Variants in PPM1E observed in about 807,000 individuals in gnomAD.
PPM1E encodes the protein protein phosphatase, Mg2+/Mn2+ dependent 1E, also known as protein phosphatase 1E.
PPM1E carries 20 observed loss-of-function variants against 65.9 expected under a neutral mutation model. That is an observed-to-expected ratio of 0.30 (90% CI 0.21 to 0.44). The LOEUF (loss-of-function observed/expected upper bound fraction) is 0.44. Among genes scored for constraint, PPM1E ranks in the 20% least tolerant of loss-of-function variants. PPM1E has a pLI of 1.00. For synonymous variants in PPM1E, 352 were observed against 374.9 expected (o/e 0.94, Z 0.70); for missense variants, 713 against 953.1 (o/e 0.75, Z 3.32).
At chr17:58,871,318 G>A (rs1325010832) in intron 1 of PPM1E, among the ~76,000 whole-genome samples, 2 of 152,044 alleles carry the variant, frequency 1.3e-5, no homozygotes, top group Non-Finnish European at 2.9e-5. Context: ...GGGATTATAG[G>A]CATTGAGCCT....
At chr17:58,814,929 G>A (rs917394263) in intron 1 of PPM1E, among the ~76,000 whole-genome samples, 12 of 152,214 alleles carry the variant, frequency 7.9e-5, no homozygotes, top group Non-Finnish European at 1.6e-4. Context: ...GTGCAATTCT[G>A]TGATACAGGT....
intron 4 of PPM1E, among the ~76,000 whole-genome samples, chr17:58,970,502 T>C (rs1313485637): frequency 6.6e-6 from 1 of 152,220 alleles, no homozygotes; most frequent in African/African-American, 2.4e-5. Flanking sequence ...TCCTGCCCTG[T>C]GACTTAAACA....
chr17:58,839,608 T>C (rs2050697270), intron 1 of PPM1E, among the ~76,000 whole-genome samples: 1 of 152,190 alleles, frequency 6.6e-6, no homozygotes, highest in Non-Finnish European at 1.5e-5. Flanking sequence ...TATACTAACA[T>C]TGAACAATAA....
intron 1 of PPM1E, among the ~76,000 whole-genome samples, chr17:58,924,656 C>T (rs1184793328): frequency 6.6e-6 from 1 of 152,092 alleles, no homozygotes; most frequent in African/African-American, 2.4e-5. Context: ...GTTTGCTGCA[C>T]CTATCAACCC....
intron 1 of PPM1E, among the ~76,000 whole-genome samples, chr17:58,911,971 G>A (rs989428740): frequency 9.2e-5 from 14 of 152,134 alleles, no homozygotes; most frequent in South Asian, 2.1e-4. Flanking sequence ...TGGCCTCTGC[G>A]AGAGCACACC....
At chr17:58,934,342 A>G (rs953792000) in intron 1 of PPM1E, among the ~76,000 whole-genome samples, 2 of 152,198 alleles carry the variant, frequency 1.3e-5, no homozygotes, top group African/African-American at 4.8e-5. Flanking sequence ...CTGAAGCATT[A>G]TTTATTTGGT....
At chr17:58,929,202 A>G (rs547992129) in intron 1 of PPM1E, among the ~76,000 whole-genome samples, 3 of 152,306 alleles carry the variant, frequency 2.0e-5, no homozygotes, top group South Asian at 4.1e-4. Flanking sequence ...GAAGCCTTAC[A>G]TAAAAGAAAA....
chr17:58,946,579 C>T (rs2052154418), intron 1 of PPM1E, among the ~76,000 whole-genome samples: 1 of 152,082 alleles, frequency 6.6e-6, no homozygotes, highest in African/African-American at 2.4e-5. Context: ...CCTCAGCCTC[C>T]CAATTAGCTG....
At chr17:58,773,054 C>G (rs2049956483) in intron 1 of PPM1E, among the ~76,000 whole-genome samples, 1 of 151,440 alleles carries the variant, frequency 6.6e-6, no homozygotes, top group Non-Finnish European at 1.5e-5. Context: ...AACTTGAAGA[C>G]TGCCTAAACT....
Position 58,981,128 on chromosome 17 carries a change from T to A in PPM1E, c.*97T>A. Reference sequence around the variant, plus strand: ...CATTTCTAAAACATATGTGCTTCATTATGAATCCATGGATGGCTCAATTCT... The same window carrying A: ...CATTTCTAAAACATATGTGCTTCATAATGAATCCATGGATGGCTCAATTCT... On this transcript the variant is annotated 3_prime_UTR_variant, in exon 7 of 7. Coordinates refer to ENST00000308249, the MANE Select transcript of PPM1E (RefSeq NM_014906.5). The A allele has an allele frequency of 2.4e-6, 2 of 816,522 alleles. No homozygotes were observed. Among genetic ancestry groups the A allele is most frequent in the Non-Finnish European group, 3.8e-6 (2 of 523,470 alleles). The allele number at this position is 816,522 out of a possible 1,614,324, so 50.6% of individuals were successfully genotyped here.
chr17:58,843,593 G>A (rs1177077830), intron 1 of PPM1E, among the ~76,000 whole-genome samples: 1 of 151,900 alleles, frequency 6.6e-6, no homozygotes, highest in Non-Finnish European at 1.5e-5. Flanking sequence ...GGGAGGCCGA[G>A]GCAAGCGGAT....
chr17:58,875,727 A>C (rs1379295609), intron 1 of PPM1E, among the ~76,000 whole-genome samples: 3 of 152,190 alleles, frequency 2.0e-5, no homozygotes, highest in African/African-American at 7.2e-5. Flanking sequence ...ACCTATATTT[A>C]GTAACTATTT....
intron 1 of PPM1E, among the ~76,000 whole-genome samples, chr17:58,894,476 A>C (rs558620296): frequency 6.6e-6 from 1 of 152,262 alleles, no homozygotes; most frequent in African/African-American, 2.4e-5. Flanking sequence ...GTGACACTGC[A>C]TGGATTTGGA....
At chr17:58,968,154 T>A (rs997053264) in intron 3 of PPM1E, among the ~76,000 whole-genome samples, 4 of 152,210 alleles carry the variant, frequency 2.6e-5, no homozygotes, top group African/African-American at 9.6e-5. Context: ...TTAAAGTTGC[T>A]GAAAGAACTA....
intron 1 of PPM1E, among the ~76,000 whole-genome samples, chr17:58,762,484 C>G (rs1051075046): frequency 6.6e-6 from 1 of 151,664 alleles, no homozygotes; most frequent in Non-Finnish European, 1.5e-5. Context: ...GTTTCTATGA[C>G]AAAATCATGA....
chr17:58,836,911 A>T (rs1279394248), intron 1 of PPM1E, among the ~76,000 whole-genome samples: 4 of 149,302 alleles, frequency 2.7e-5, no homozygotes, highest in African/African-American at 4.9e-5. Flanking sequence ...TCCCAGCTAC[A>T]CGGGAGGCTG....
intron 1 of PPM1E, among the ~76,000 whole-genome samples, chr17:58,923,740 T>C: frequency 7.1e-6 from 1 of 140,178 alleles, no homozygotes; most frequent in Non-Finnish European, 1.5e-5. Context: ...GAGTAAGACT[T>C]CGTCTCAAAA....
intron 1 of PPM1E, among the ~76,000 whole-genome samples, chr17:58,798,321 C>T (rs752533404): frequency 2.6e-5 from 4 of 151,250 alleles, no homozygotes; most frequent in South Asian, 2.1e-4. Flanking sequence ...CTCCACCTCC[C>T]GGGTTCAAGC....
intron 6 of PPM1E, among the ~76,000 whole-genome samples, chr17:58,973,790 A>C (rs954616879): frequency 2.0e-5 from 3 of 151,962 alleles, no homozygotes; most frequent in Non-Finnish European, 4.4e-5. Flanking sequence ...GTCTCTACTA[A>C]AAATATAAAA....
Sources: gnomAD v4.1 joint callset for allele counts (sites outside exome capture counted in the v4.1 genomes callset) on GRCh38, gnomAD v4.1.1 for gene constraint, MANE v1.5 for transcripts, NCBI Gene and HGNC (gene_info 2026-07-23, HGNC 2026-07-21) for gene names.